Variants in OPHN1 observed in about 807,000 individuals in gnomAD.
OPHN1 encodes the protein oligophrenin-1.
In OPHN1, 11 loss-of-function variants were observed where a neutral mutation model predicts 60.7. The observed-to-expected ratio is 0.18, with a 90% CI of 0.11 to 0.30. OPHN1 has a LOEUF of 0.30. Among genes scored for constraint, OPHN1 ranks in the 10% least tolerant of loss-of-function variants. The pLI is 1.00. For synonymous variants in OPHN1, 226 were observed against 222.6 expected (o/e 1.02, Z -0.14); for missense variants, 449 against 611.0 (o/e 0.73, Z 2.80).
At chrX:68,291,072 G>C (rs1162610763) in intron 3 of OPHN1, among the ~76,000 whole-genome samples, 1 of 111,497 alleles carries the variant, frequency 9.0e-6, no homozygotes, top group African/African-American at 3.3e-5. Flanking sequence ...TAAATAAACA[G>C]GTCAGAGTCT....
At chrX:68,241,419 T>G (rs2077779592) in intron 5 of OPHN1, among the ~76,000 whole-genome samples, 1 of 112,038 alleles carries the variant, frequency 8.9e-6, no homozygotes, top group South Asian at 3.7e-4. Flanking sequence ...TAAATTATAA[T>G]TCATTTATGT....
intron 2 of OPHN1, among the ~76,000 whole-genome samples, chrX:68,324,868 C>T (rs1438640909): frequency 4.0e-5 from 4 of 100,222 alleles, no homozygotes; most frequent in East Asian, 3.0e-4. Context: ...ATAAGGAGAC[C>T]CCATATCCAC....
chrX:68,248,800 G>T (rs937474319), intron 5 of OPHN1, among the ~76,000 whole-genome samples: 4 of 111,979 alleles, frequency 3.6e-5, no homozygotes, highest in Non-Finnish European at 7.5e-5. Flanking sequence ...CAACAACATG[G>T]ATAGAACTGG....
intron 15 of OPHN1, among the ~76,000 whole-genome samples, chrX:68,170,374 C>T (rs777079249): frequency 0.067 from 7,095 of 106,240 alleles, 216 homozygotes; most frequent in African/African-American, 0.095. Context: ...GTCAGTGTGG[C>T]GATTCCTCAG....
intron 6 of OPHN1, among the ~76,000 whole-genome samples, chrX:68,231,578 C>T (rs113431972): frequency 0.012 from 1,388 of 111,460 alleles, 30 homozygotes; most frequent in African/African-American, 0.043. Flanking sequence ...ATAAACCAAC[C>T]GTGGTACAAC....
chrX:68,047,910 C>T (rs2076837530), intron 24 of OPHN1, among the ~76,000 whole-genome samples: 1 of 112,114 alleles, frequency 8.9e-6, no homozygotes. Flanking sequence ...AATGAAGGTT[C>T]AGGTGGGTAA....
At chrX:68,140,911 C>A (rs1361016501) in intron 15 of OPHN1, among the ~76,000 whole-genome samples, 1 of 111,735 alleles carries the variant, frequency 8.9e-6, no homozygotes, top group African/African-American at 3.3e-5. Flanking sequence ...AGATCACCTT[C>A]TTCCCACACC....
At chrX:68,315,769 A>G (rs1457119706) in intron 2 of OPHN1, among the ~76,000 whole-genome samples, 3 of 111,714 alleles carry the variant, frequency 2.7e-5, no homozygotes, top group African/African-American at 9.7e-5. Context: ...TACACTAAAA[A>G]ATTAACAATT....
At chrX:68,416,824 C>A (rs892562698) in intron 2 of OPHN1, among the ~76,000 whole-genome samples, 1 of 112,316 alleles carries the variant, frequency 8.9e-6, no homozygotes, top group Non-Finnish European at 1.9e-5. Flanking sequence ...TGTTGCACAG[C>A]CTGTTTTAGT....
At chrX:68,075,874 C>T (rs1183670945) in intron 19 of OPHN1, among the ~76,000 whole-genome samples, 1 of 102,727 alleles carries the variant, frequency 9.7e-6, no homozygotes, top group African/African-American at 3.6e-5. Flanking sequence ...AAAGCTGAAA[C>T]TATAAAATTT....
chrX:68,167,557 G>A (rs180673219), intron 15 of OPHN1, among the ~76,000 whole-genome samples: 1 of 109,507 alleles, frequency 9.1e-6, no homozygotes, highest in African/African-American at 3.3e-5. Context: ...GTATGTACAG[G>A]TATATATATG....
At chrX:68,080,128 G>C (rs1054957342) in intron 19 of OPHN1, among the ~76,000 whole-genome samples, 1 of 112,002 alleles carries the variant, frequency 8.9e-6, no homozygotes, top group Non-Finnish European at 1.9e-5. Flanking sequence ...ACTCTTCACT[G>C]TCTTCGGGAC....
chrX:68,171,250 T>C (rs1255583625), intron 15 of OPHN1, among the ~76,000 whole-genome samples: 1 of 110,500 alleles, frequency 9.0e-6, no homozygotes, highest in Non-Finnish European at 1.9e-5. Flanking sequence ...TATATATACC[T>C]ACTATGTACA....
At chrX:68,322,832 T>C (rs1223791196) in intron 2 of OPHN1, among the ~76,000 whole-genome samples, 10 of 110,930 alleles carry the variant, frequency 9.0e-5, no homozygotes, top group Non-Finnish European at 1.9e-4. Context: ...TCAATACCAA[T>C]ACAAATAAAT....
At chrX:68,123,814 A>G (rs896231037) in intron 15 of OPHN1, among the ~76,000 whole-genome samples, 15 of 111,532 alleles carry the variant, frequency 1.3e-4, no homozygotes, top group Middle Eastern at 4.3e-3. Context: ...AGACAGGAAG[A>G]AAAGAAGGAA....
intron 23 of OPHN1, among the ~76,000 whole-genome samples, chrX:68,050,796 T>C (rs966755921): frequency 2.7e-5 from 3 of 112,633 alleles, no homozygotes; most frequent in African/African-American, 9.7e-5. Flanking sequence ...TGGCTTATTC[T>C]AGGAAGGCAT....
chrX:68,159,421 T>C (rs1220517770), intron 15 of OPHN1, among the ~76,000 whole-genome samples: 2 of 111,813 alleles, frequency 1.8e-5, no homozygotes, highest in Admixed American at 9.5e-5. Flanking sequence ...CCCAGGAAAC[T>C]GTCAAAGTCA....
At chrX:68,432,513 G>A (rs2078890493) in intron 2 of OPHN1, among the ~76,000 whole-genome samples, 1 of 111,749 alleles carries the variant, frequency 8.9e-6, no homozygotes, top group Non-Finnish European at 1.9e-5. Flanking sequence ...TGGTCAGCTT[G>A]GATGTCACTT....
chrX:68,401,633 G>A (rs946278195), intron 2 of OPHN1, among the ~76,000 whole-genome samples: 2 of 112,111 alleles, frequency 1.8e-5, no homozygotes, highest in Non-Finnish European at 3.8e-5. Context: ...ATCAGGAGAT[G>A]TAGATTGTCC....
Sources: allele counts gnomAD v4.1 joint callset (sites outside exome capture counted in the v4.1 genomes callset), GRCh38; gene constraint gnomAD v4.1.1; transcripts MANE v1.5; gene names NCBI Gene and HGNC (gene_info 2026-07-23, HGNC 2026-07-21).